Variants in TSPEAR observed in about 807,000 individuals in gnomAD.
TSPEAR encodes the protein thrombospondin type laminin G domain and EAR repeats.
TSPEAR carries 69 observed loss-of-function variants against 71.6 expected under a neutral mutation model. That is an observed-to-expected ratio of 0.96 (90% CI 0.79 to 1.18). The LOEUF is 1.18. Among genes scored for constraint, TSPEAR ranks in the 50% most tolerant of loss-of-function variants. The pLI is 0.00. For synonymous variants in TSPEAR, 402 were observed against 387.2 expected, an observed-to-expected ratio of 1.04 and a Z score of -0.45; for missense variants, 971 against 894.9, an observed-to-expected ratio of 1.09 and a Z score of -1.09.
intron 1 of TSPEAR, among the ~76,000 whole-genome samples, chr21:44,583,494 C>G (rs9980202): frequency 0.013 from 2,024 of 152,268 alleles, 54 homozygotes; most frequent in African/African-American, 0.046. Context: ...GCCTTGGTCT[C>G]GTGCATGCAG....
In TSPEAR at chr21:44,677,067, A is replaced by G. The variant is rs587680415; in HGVS notation, c.82+34366T>C. 6.8e-6 allele frequency: 5 copies of G among 734,950 alleles called. No individual in the cohort carries two copies. The African/African-American group carries it at 8.6e-5, about 13-fold the overall frequency. 45.5% of individuals were successfully genotyped at this position (734,950 alleles called of 1,614,324 possible). ...CCTGAGCTTGGCCCACCAGCTCATG[A>G]TACTGAGATACAAGCTTAGACTCAA... On this transcript the variant is annotated intron_variant, in intron 1 of 11. Transcript: ENST00000323084.
intron 2 of TSPEAR, chr21:44,539,557 G>C (rs782063486): frequency 1.4e-5 from 22 of 1,613,868 alleles, no homozygotes; most frequent in Non-Finnish European, 1.9e-5. Context: ...CGGGCACACA[G>C]CAGATGGGCT....
Position 44,503,008 on chromosome 21 carries a change from A to AGAAAGCTGGCCTCGGTGAGCCCTCGGGG in TSPEAR, c.1856+1771_1856+1772insCCCCGAGGGCTCACCGAGGCCAGCTTTC, listed in dbSNP as rs1569147441. On this transcript the variant is annotated intron_variant, in intron 11 of 11. Coordinates refer to ENST00000323084, the MANE Select transcript of TSPEAR (RefSeq NM_144991.3). ...CACAGTGGGGAAGCAAGGTGCTGGG[A>AGAAAGCTGGCCTCGGTGAGCCCTCGGGG]GGAAGCCGGCCTCGGTGAGCCCTCG... is the stretch of plus-strand genomic sequence containing the variant. Among the ~76,000 whole-genome samples, 68 of 109,406 alleles carry AGAAAGCTGGCCTCGGTGAGCCCTCGGGG rather than the reference A, an allele frequency of 6.2e-4. 1 individual carries two copies. The highest frequency in any genetic ancestry group is 2.1e-3 in the African/African-American group (60 of 29,054). 71.8% of individuals were successfully genotyped at this position (109,406 alleles called of 152,430 possible). A position where few individuals can be genotyped will look rare whatever the true frequency, so the allele number is the denominator to read the frequency against.
intron 1 of TSPEAR, among the ~76,000 whole-genome samples, chr21:44,656,345 C>T (rs1179271053): frequency 5.3e-5 from 8 of 152,368 alleles, no homozygotes; most frequent in African/African-American, 9.6e-5. Flanking sequence ...GTGCACGTCA[C>T]CTGCAGTGCA....
rs75207610 is a variant in TSPEAR at position 44,687,751 on chromosome 21, G to C, written c.82+23682C>G. On this transcript the variant is annotated intron_variant, in intron 1 of 11. Coordinates refer to ENST00000323084, the MANE Select transcript of TSPEAR (RefSeq NM_144991.3). The surrounding 1 kb of genome is among the most constrained non-coding windows in gnomAD (Gnocchi z 4.4). ...GACCACCCTCTCCCCTGGGCCTTGA[G>C]GGGGCCTGGGTGAGCTGTGTTGACA... 6.6e-6 allele frequency among the ~76,000 whole-genome samples: 1 copy of C among 152,320 alleles called. No homozygotes were observed. Among genetic ancestry groups the C allele is most frequent in the South Asian group, 2.1e-4 (1 of 4,832 alleles).
Position 44,569,978 on chromosome 21 carries a change from C to T in TSPEAR, c.83-1973G>A, listed in dbSNP as rs1306860353. ...CCTGGGTCCCCTGGAAAGAATGGGT[C>T]TCTAAGTAAACCCCATGCACCCTAC... On this transcript the variant is annotated intron_variant, in intron 1 of 11. Coordinates refer to ENST00000323084, the MANE Select transcript of TSPEAR (RefSeq NM_144991.3). Among the ~76,000 whole-genome samples the T allele has an allele frequency of 3.3e-5, 5 of 152,100 alleles. No homozygotes were observed. The East Asian group carries it at 9.7e-4, about 29-fold the overall frequency.
At chr21:44,628,506 T>C (rs1285128471) in intron 1 of TSPEAR, among the ~76,000 whole-genome samples, 12 of 152,012 alleles carry the variant, frequency 7.9e-5, no homozygotes, top group Non-Finnish European at 1.3e-4. Flanking sequence ...GGGGCTCTTG[T>C]GTGACACCTG....
rs538190843 is a variant in TSPEAR at position 44,691,081 on chromosome 21, C to T, written c.82+20352G>A. Among the ~76,000 whole-genome samples the T allele has an allele frequency of 7.2e-5, 11 of 151,918 alleles. 1 individual carries two copies. Among genetic ancestry groups the T allele is most frequent in the South Asian group, 2.1e-4 (1 of 4,784 alleles). On this transcript the variant is annotated intron_variant, in intron 1 of 11. Coordinates refer to ENST00000323084, the MANE Select transcript of TSPEAR (RefSeq NM_144991.3). ...CCCCTCCCTTCCCTTCATCTCCCCT[C>T]GCCTCCTCTCCCCTTCTCTCCTCTC...
chr21:44,513,672 G>A (rs187047978), intron 9 of TSPEAR, among the ~76,000 whole-genome samples: 93 of 152,298 alleles, frequency 6.1e-4, no homozygotes, highest in Middle Eastern at 3.4e-3. Context: ...GTGGGCACCC[G>A]GTAATCAGTG....
At position 44,539,466 on chromosome 21, in the gene TSPEAR, A is replaced by G. The variant is rs2053164415; in HGVS notation, c.304-5543T>C. ...CGGCAGAGGAGGGACACGGAGGAGG[A>G]GGGTCTGCAGCAGGAGGTGGTGCAG... On this transcript the variant is annotated intron_variant, in intron 2 of 11. Coordinates refer to ENST00000323084, the MANE Select transcript of TSPEAR (RefSeq NM_144991.3). 1.9e-6 allele frequency: 3 copies of G among 1,613,066 alleles called. No individual in the cohort carries two copies. Among genetic ancestry groups the G allele is most frequent in the Non-Finnish European group, 2.5e-6 (3 of 1,179,618 alleles).
Position 44,654,705 on chromosome 21 carries a change from C to T in TSPEAR, c.82+56728G>A, listed in dbSNP as rs782771018. On this transcript the variant is annotated intron_variant, in intron 1 of 11. Transcript: ENST00000323084. ...GCCTTTATACCCAGGCTACCGGCATCCTGGCAACAAGCCCCCTGGCATCTT... is the reference window on the plus strand; with the variant it reads ...GCCTTTATACCCAGGCTACCGGCATTCTGGCAACAAGCCCCCTGGCATCTT... 1.5e-5 allele frequency: 13 copies of T among 858,512 alleles called. No individual in the cohort carries two copies. In the Admixed American group the frequency reaches 3.2e-4, roughly 21 times the overall value. 53.2% of individuals were successfully genotyped at this position (858,512 alleles called of 1,614,324 possible). A position where few individuals can be genotyped will look rare whatever the true frequency, so the allele number is the denominator to read the frequency against.
Position 44,612,787 on chromosome 21 carries a change from T to C in TSPEAR, c.83-44782A>G. 6.2e-7 allele frequency: 1 copy of C among 1,613,360 alleles called. No individual in the cohort carries two copies. Among genetic ancestry groups the C allele is most frequent in the South Asian group, 1.1e-5 (1 of 91,020 alleles). On this transcript the variant is annotated intron_variant, in intron 1 of 11. Transcript: ENST00000323084. This position sits in a 1 kb window ranked among gnomAD's most constrained non-coding sequence, Gnocchi z 4.1. ...GCTGTGTGCCTGTCCCCTCCTGTTG[T>C]GTCCCTGCCTCCTCCTGCCAGCCCA...
At chr21:44,518,832 C>G in intron 9 of TSPEAR, 1 of 389,568 alleles carries the variant, frequency 2.6e-6, no homozygotes, top group South Asian at 1.9e-5. Context: ...TGCTGGGGCT[C>G]TGCATGTGTG....
Position 44,528,481 on chromosome 21 carries a change from A to T in TSPEAR, c.893T>A (p.Val298Asp), listed in dbSNP as rs141420272. 2 of 1,613,926 alleles carry T rather than the reference A, an allele frequency of 1.2e-6. No individual in the cohort carries two copies. Among genetic ancestry groups the T allele is most frequent in the African/African-American group, 2.7e-5 (2 of 74,950 alleles). The change falls in exon 6 of 12, where the codon GTT becomes GAT. Residue 298 changes from valine (V) to aspartate (D), a missense_variant. Coordinates refer to ENST00000323084, the MANE Select transcript of TSPEAR (RefSeq NM_144991.3). ...TAACACGGAGACCCACTCGTTGCCA[A>T]CACACAGATACAGGCCCTTCCGGCT... ...DASRKGLYLC[V>D]GNEWVSVLAA...
chr21:44,523,639 G>A (rs1297574090), intron 8 of TSPEAR, among the ~76,000 whole-genome samples: 5 of 151,914 alleles, frequency 3.3e-5, no homozygotes, highest in Non-Finnish European at 7.4e-5. Flanking sequence ...CAGTCAGGTA[G>A]TCAGTCATCA....
At chr21:44,536,749 C>T (rs1270372696) in intron 2 of TSPEAR, among the ~76,000 whole-genome samples, 2 of 152,044 alleles carry the variant, frequency 1.3e-5, no homozygotes, top group Non-Finnish European at 2.9e-5. Context: ...TTAAATTCTC[C>T]TTATTTTCAA....
intron 2 of TSPEAR, among the ~76,000 whole-genome samples, chr21:44,553,541 A>G (rs782761655): frequency 3.3e-5 from 5 of 152,204 alleles, no homozygotes; most frequent in Admixed American, 2.6e-4. Context: ...ATGAGAGAAA[A>G]GATAACAAAC....
intron 1 of TSPEAR, among the ~76,000 whole-genome samples, chr21:44,597,432 C>CTTTCTTTTTTTT (rs1980437877): frequency 2.3e-5 from 3 of 130,616 alleles, no homozygotes; most frequent in African/African-American, 9.8e-5. Context: ...TTCTTTCTTT[C>CTTTCTTTTTTTT]TTTTCTTTTT....
At chr21:44,646,647 G>A (rs1984401648) in intron 1 of TSPEAR, 1 of 1,613,586 alleles carries the variant, frequency 6.2e-7, no homozygotes, top group South Asian at 1.1e-5. Flanking sequence ...CGGCCTGTGA[G>A]CCCAGCGCCT....
Sources: gnomAD v4.1 joint callset for allele counts (sites outside exome capture counted in the v4.1 genomes callset) on GRCh38, gnomAD v4.1.1 for gene constraint, Gnocchi (gnomAD v3.1) non-coding constraint, MANE v1.5 for transcripts, NCBI Gene and HGNC (gene_info 2026-07-23, HGNC 2026-07-21) for gene names.